The following RTL4 variants were observed in gnomAD, a reference collection of about 807,000 sequenced individuals.
The protein encoded by RTL4 is retrotransposon Gag-like protein 4.
RTL4 carries 4 observed loss-of-function variants against 5.3 expected under a neutral mutation model. The ratio of observed to expected loss-of-function variants is 0.75; its 90% CI spans 0.37 to 1.72. RTL4 has a LOEUF of 1.72. Ranked by LOEUF, RTL4 falls within the 40% of genes most tolerant of loss-of-function variation. RTL4 has a pLI of 0.04. For missense variants in RTL4, 260 were observed against 227.1 expected (o/e 1.14, Z -0.93); for synonymous variants, 98 against 87.3 (o/e 1.12, Z -0.68).
the RTL4 span, among the ~76,000 whole-genome samples, chrX:112,192,526 T>C: frequency 7.2e-5 from 8 of 111,829 alleles, no homozygotes; most frequent in Non-Finnish European, 1.5e-4. Flanking sequence ...TTGTAGTTTT[T>C]CTTATGTTTT....
the RTL4 span, among the ~76,000 whole-genome samples, chrX:112,337,561 G>A: frequency 8.9e-6 from 1 of 111,802 alleles, no homozygotes; most frequent in African/African-American, 3.2e-5. Flanking sequence ...GGGACTACAG[G>A]CGTGAGCCAC....
the RTL4 span, among the ~76,000 whole-genome samples, chrX:112,232,458 C>T: frequency 2.7e-5 from 3 of 111,618 alleles, no homozygotes; most frequent in African/African-American, 9.8e-5. Flanking sequence ...GTTATTAGAC[C>T]CATTTTCTGT....
the RTL4 span, among the ~76,000 whole-genome samples, chrX:112,436,394 A>G: frequency 1.8e-5 from 2 of 111,120 alleles, no homozygotes; most frequent in Non-Finnish European, 3.8e-5. Flanking sequence ...CCTTCTTACA[A>G]TAAAAAAAAA....
the RTL4 span, among the ~76,000 whole-genome samples, chrX:112,111,626 T>C: frequency 8.9e-6 from 1 of 112,645 alleles, no homozygotes; most frequent in African/African-American, 3.2e-5. Flanking sequence ...CTTTTTCCCT[T>C]TCCCAGTTCT....
chrX:112,237,666 G>T, the RTL4 span, among the ~76,000 whole-genome samples: 1 of 112,377 alleles, frequency 8.9e-6, no homozygotes, highest in Non-Finnish European at 1.9e-5. Context: ...ATTAATCTAA[G>T]CATTGTTATA....
the RTL4 span, among the ~76,000 whole-genome samples, chrX:112,189,143 C>T: frequency 9.0e-6 from 1 of 111,150 alleles, no homozygotes; most frequent in African/African-American, 3.3e-5. Context: ...CCTATAATCC[C>T]AGCAGTTTGG....
At chrX:112,246,661 C>T in the RTL4 span, among the ~76,000 whole-genome samples, 3 of 111,757 alleles carry the variant, frequency 2.7e-5, no homozygotes, top group Non-Finnish European at 5.6e-5. Context: ...AATCCCCAGA[C>T]CCCTTGCACT....
the RTL4 span, among the ~76,000 whole-genome samples, chrX:112,190,771 G>T: frequency 8.9e-6 from 1 of 112,209 alleles, no homozygotes; most frequent in Middle Eastern, 4.6e-3. Flanking sequence ...CACTGCCAGA[G>T]GCATTGTAAA....
the RTL4 span, among the ~76,000 whole-genome samples, chrX:112,426,575 A>G: frequency 5.4e-5 from 6 of 111,449 alleles, no homozygotes; most frequent in East Asian, 1.4e-3. Flanking sequence ...TAGTGCTTCT[A>G]TAAGGATCTT....
At chrX:112,161,843 TC>T in the RTL4 span, among the ~76,000 whole-genome samples, 5 of 43,503 alleles carry the variant, frequency 1.1e-4, 1 homozygote, top group African/African-American at 2.8e-4. Context: ...CTTCCTTCCT[TC>T]CTTTCTTTCT....
At chrX:112,156,041 G>A in the RTL4 span, among the ~76,000 whole-genome samples, 1 of 112,182 alleles carries the variant, frequency 8.9e-6, no homozygotes, top group Non-Finnish European at 1.9e-5. Flanking sequence ...TGGCCATTGT[G>A]TTGGCTATTG....
At chrX:112,251,767 C>T in the RTL4 span, among the ~76,000 whole-genome samples, 1 of 111,439 alleles carries the variant, frequency 9.0e-6, no homozygotes, top group Non-Finnish European at 1.9e-5. Flanking sequence ...AATTTCTATT[C>T]CTGAAATATC....
the RTL4 span, among the ~76,000 whole-genome samples, chrX:112,324,617 C>T: frequency 9.0e-6 from 1 of 111,323 alleles, no homozygotes; most frequent in Non-Finnish European, 1.9e-5. Flanking sequence ...TTGTAGCACT[C>T]TTTTAGATCC....
chrX:112,360,643 A>G, the RTL4 span, among the ~76,000 whole-genome samples: 1 of 110,179 alleles, frequency 9.1e-6, no homozygotes, highest in Non-Finnish European at 1.9e-5. Flanking sequence ...ATCACTACAT[A>G]TGCCTGCCTT....
At chrX:112,259,162 T>C in the RTL4 span, among the ~76,000 whole-genome samples, 1 of 111,617 alleles carries the variant, frequency 9.0e-6, no homozygotes, top group South Asian at 3.7e-4. Flanking sequence ...GCATTTTCAT[T>C]TGGATCATAA....
exon 1 of RTL4, chrX:112,454,587 C>T (rs1312247152): frequency 3.7e-6 from 2 of 537,961 alleles, no homozygotes; most frequent in Non-Finnish European, 6.0e-6. Flanking sequence ...TTAGCATCTC[C>T]TAGTGTCTTC....
chrX:112,296,210 A>G, the RTL4 span, among the ~76,000 whole-genome samples: 1 of 110,952 alleles, frequency 9.0e-6, no homozygotes, highest in Non-Finnish European at 1.9e-5. Flanking sequence ...AAACTCCAGC[A>G]GAGTCAAAGG....
the RTL4 span, among the ~76,000 whole-genome samples, chrX:112,160,901 G>A: frequency 7.3e-5 from 8 of 109,623 alleles, no homozygotes; most frequent in Non-Finnish European, 1.3e-4. Context: ...TTAGGGAAAG[G>A]GATAAAGGTT....
the RTL4 span, among the ~76,000 whole-genome samples, chrX:112,393,161 GTTT>G: frequency 1.4e-5 from 1 of 71,328 alleles, no homozygotes. Flanking sequence ...TTTTTTTTTT[GTTT>G]TTTTTTTTTG....
Sources: gnomAD v4.1 joint callset for allele counts (sites outside exome capture counted in the v4.1 genomes callset) on GRCh38, gnomAD v4.1.1 for gene constraint, MANE v1.5 for transcripts, NCBI Gene and HGNC (gene_info 2026-07-23, HGNC 2026-07-21) for gene names.